Variants in OPCML observed in about 807,000 individuals in gnomAD.
OPCML encodes opioid-binding protein/cell adhesion molecule.
Under a neutral mutation model 37.8 loss-of-function variants are expected in OPCML, and 13 were observed. The observed-to-expected ratio is 0.34, with a 90% confidence interval of 0.22 to 0.55. The LOEUF (loss-of-function observed/expected upper bound fraction) is 0.55, where lower values mean the gene tolerates loss of function less well. OPCML is among the 20% of genes least tolerant of loss of function. The pLI is 0.91. For missense variants in OPCML, 341 were observed against 435.6 expected (o/e 0.78, Z 1.93); for synonymous variants, 176 against 168.8 (o/e 1.04, Z -0.33).
chr11:133,055,263 T>C (rs1948210623), intron 1 of OPCML, among the ~76,000 whole-genome samples: 1 of 147,778 alleles, frequency 6.8e-6, no homozygotes, highest in East Asian at 2.1e-4. Flanking sequence ...TTCCAAGTGG[T>C]GAGACCCCAT....
chr11:132,779,865 G>A (rs757095997), intron 2 of OPCML, among the ~76,000 whole-genome samples: 6 of 152,150 alleles, frequency 3.9e-5, no homozygotes, highest in South Asian at 4.2e-4. Flanking sequence ...CAAACAGACC[G>A]AAACTGTTCT....
intron 2 of OPCML, among the ~76,000 whole-genome samples, chr11:132,885,894 T>C (rs1267216915): frequency 6.6e-6 from 1 of 152,206 alleles, no homozygotes; most frequent in Admixed American, 6.5e-5. Context: ...GTTTCTCCTG[T>C]ATCCTTTCAG....
chr11:133,399,211 T>C (rs1305236254), intron 1 of OPCML, among the ~76,000 whole-genome samples: 1 of 152,144 alleles, frequency 6.6e-6, no homozygotes, highest in African/African-American at 2.4e-5. Context: ...ATCCTCTATT[T>C]TTAACTTGTG....
intron 4 of OPCML, among the ~76,000 whole-genome samples, chr11:132,523,887 A>G (rs1259048862): frequency 9.2e-5 from 14 of 152,210 alleles, no homozygotes; most frequent in Non-Finnish European, 1.5e-5. Context: ...GAAATAGCTC[A>G]TGCACTTGCT....
intron 2 of OPCML, among the ~76,000 whole-genome samples, chr11:132,852,138 A>G (rs1388879085): frequency 6.6e-6 from 1 of 152,156 alleles, no homozygotes; most frequent in East Asian, 1.9e-4. Context: ...TTGTTAAAAT[A>G]ATTCTTATCT....
chr11:133,497,235 G>A (rs1317751307), intron 1 of OPCML, among the ~76,000 whole-genome samples: 1 of 151,958 alleles, frequency 6.6e-6, no homozygotes, highest in Admixed American at 6.6e-5. Context: ...GTCATTGTTG[G>A]ATTGGGTTAA....
chr11:132,423,674 C>G (rs182566562), intron 7 of OPCML, among the ~76,000 whole-genome samples: 3 of 152,336 alleles, frequency 2.0e-5, no homozygotes, highest in East Asian at 3.9e-4. Context: ...AGTTGCTCAC[C>G]TAACTTGGCC....
intron 1 of OPCML, among the ~76,000 whole-genome samples, chr11:133,129,876 C>A (rs1354837334): frequency 6.6e-6 from 1 of 151,882 alleles, no homozygotes; most frequent in Non-Finnish European, 1.5e-5. Flanking sequence ...CTATTGCACT[C>A]CAGTCAGAAT....
chr11:133,124,695 C>T lies in OPCML; in HGVS notation c.62-181685G>A, dbSNP rs1161607423. Among the ~76,000 whole-genome samples, 8 of 152,082 alleles carry T rather than the reference C, an allele frequency of 5.3e-5. 1 individual carries two copies. Among genetic ancestry groups the T allele is most frequent in the Non-Finnish European group, 1.0e-4 (7 of 68,010 alleles). On this transcript the variant is annotated intron_variant, in intron 1 of 7. Coordinates refer to ENST00000524381, the MANE Select transcript of OPCML (RefSeq NM_001012393.5). Reference sequence around the variant, plus strand: ...TCAGCCTTCATCACGTTCTGCAACCCTGAAAGGCTCATGCACCCTTGCAGA... The same window carrying T: ...TCAGCCTTCATCACGTTCTGCAACCTTGAAAGGCTCATGCACCCTTGCAGA...
chr11:133,369,877 G>C (rs1209206092), intron 1 of OPCML, among the ~76,000 whole-genome samples: 1 of 152,076 alleles, frequency 6.6e-6, no homozygotes, highest in Non-Finnish European at 1.5e-5. Flanking sequence ...GACCAGAAAT[G>C]GTTTTAATTT....
chr11:132,616,003 G>A (rs1360032160), intron 3 of OPCML, among the ~76,000 whole-genome samples: 1 of 152,188 alleles, frequency 6.6e-6, no homozygotes, highest in Non-Finnish European at 1.5e-5. Flanking sequence ...AAGCAGGTCT[G>A]TTTATGACTA....
At chr11:132,838,333 G>A (rs75901732) in intron 2 of OPCML, among the ~76,000 whole-genome samples, 8,133 of 152,266 alleles carry the variant, frequency 0.053, 260 homozygotes, top group Middle Eastern at 0.088. Flanking sequence ...CGAAGAAAAT[G>A]AAACTAATGG....
chr11:132,766,203 C>A (rs977310078), intron 2 of OPCML, among the ~76,000 whole-genome samples: 1 of 151,994 alleles, frequency 6.6e-6, no homozygotes, highest in Non-Finnish European at 1.5e-5. Flanking sequence ...GGAAAAAAAG[C>A]CAGCATCATG....
intron 2 of OPCML, among the ~76,000 whole-genome samples, chr11:132,736,178 AGAGTAT>A (rs762767316): frequency 2.6e-4 from 40 of 152,104 alleles, no homozygotes; most frequent in Non-Finnish European, 4.9e-4. Flanking sequence ...AATGTGTGTG[AGAGTAT>A]GTGTGCCAGT....
intron 1 of OPCML, among the ~76,000 whole-genome samples, chr11:133,296,277 G>A (rs140416156): frequency 3.2e-4 from 49 of 152,216 alleles, no homozygotes; most frequent in African/African-American, 7.9e-4. Context: ...ATACACTGTC[G>A]TCCTGTCTGT....
At position 132,512,868 on chromosome 11, in the gene OPCML, A is replaced by G. The variant is rs983180207; in HGVS notation, c.505+16193T>C. ...TTTTGGGAAGAATAAGAAACAGGGA[A>G]GCTTTTGAGGTAATGGTAATATGCT... On this transcript the variant is annotated intron_variant, in intron 4 of 7. Coordinates refer to ENST00000524381, the MANE Select transcript of OPCML (RefSeq NM_001012393.5). 3.9e-5 allele frequency among the ~76,000 whole-genome samples: 6 copies of G among 152,112 alleles called. No individual in the cohort carries two copies. The South Asian group carries it at 1.2e-3, about 31-fold the overall frequency.
intron 1 of OPCML, among the ~76,000 whole-genome samples, chr11:133,088,511 G>C (rs1948851735): frequency 6.6e-6 from 1 of 152,154 alleles, no homozygotes; most frequent in Non-Finnish European, 1.5e-5. Context: ...CAATATCAAA[G>C]AGAAATTTTG....
At chr11:132,751,084 T>C (rs933455160) in intron 2 of OPCML, among the ~76,000 whole-genome samples, 1 of 151,950 alleles carries the variant, frequency 6.6e-6, no homozygotes, top group African/African-American at 2.4e-5. Context: ...CAAGAACAGG[T>C]TTGTTCAAGA....
At chr11:132,781,601 TAC>T (rs139359164) in intron 2 of OPCML, among the ~76,000 whole-genome samples, 3,492 of 146,312 alleles carry the variant, frequency 0.024, 46 homozygotes, top group Middle Eastern at 0.042. Flanking sequence ...CACATATACA[TAC>T]ACACACACAC....
Sources: gnomAD v4.1 joint callset for allele counts (sites outside exome capture counted in the v4.1 genomes callset) on GRCh38, gnomAD v4.1.1 for gene constraint, MANE v1.5 for transcripts, NCBI Gene and HGNC (gene_info 2026-07-23, HGNC 2026-07-21) for gene names.